Variants in ERN1 observed in about 807,000 individuals in gnomAD.
ERN1 encodes serine/threonine-protein kinase/endoribonuclease IRE1.
Under a neutral mutation model 113.1 loss-of-function variants are expected in ERN1, and 39 were observed. That is an observed-to-expected ratio of 0.34 (90% CI 0.27 to 0.45). The LOEUF (loss-of-function observed/expected upper bound fraction) is 0.45. Ranked by LOEUF, ERN1 falls within the 20% of genes least tolerant of loss-of-function variation. The pLI is 1.00. For missense variants in ERN1, 976 were observed against 1,274.8 expected (o/e 0.77, Z 3.57); for synonymous variants, 507 against 515.9 (o/e 0.98, Z 0.23).
intron 6 of ERN1, among the ~76,000 whole-genome samples, chr17:64,069,887 G>A (rs1913356583): frequency 6.6e-6 from 1 of 152,102 alleles, no homozygotes; most frequent in Admixed American, 6.6e-5. Context: ...TGGAGGGAGT[G>A]GGAGGGTTGT....
At chr17:64,105,508 T>C (rs1914500760) in intron 1 of ERN1, among the ~76,000 whole-genome samples, 1 of 152,238 alleles carries the variant, frequency 6.6e-6, no homozygotes, top group African/African-American at 2.4e-5. Context: ...ATCTGGCTAA[T>C]AATAAAAATT....
rs905793671 is a variant in ERN1, at chr17:64,039,148, A to C, written c.*4840T>G. The C allele has an allele frequency of 1.3e-4, 20 of 152,218 alleles. No homozygotes were observed. Among genetic ancestry groups the C allele is most frequent in the Admixed American group, 1.3e-3 (20 of 15,276 alleles). The allele number at this position is 152,218 out of a possible 1,614,324, so 9.4% of individuals were successfully genotyped here. ...TTAAGAAAATGAGACTGACTCCAAA[A>C]TCTAAAACTACCTTTATTGTGGTTG... is the stretch of plus-strand genomic sequence containing the variant. On this transcript the variant is annotated 3_prime_UTR_variant, in exon 22 of 22. Transcript: ENST00000433197.
At chr17:64,045,743 C>T (rs927211000) in intron 19 of ERN1, among the ~76,000 whole-genome samples, 1 of 152,130 alleles carries the variant, frequency 6.6e-6, no homozygotes. Flanking sequence ...CGAACGCATA[C>T]CCTGAATTTC....
intron 1 of ERN1, among the ~76,000 whole-genome samples, chr17:64,125,538 C>T (rs1408860670): frequency 6.6e-6 from 1 of 152,122 alleles, no homozygotes; most frequent in Non-Finnish European, 1.5e-5. Context: ...GCCAAGGCTG[C>T]AGTGCAGTGG....
Position 64,098,161 on chromosome 17 carries a change from G to A in ERN1, c.135C>T (p.Val45=). The A allele has an allele frequency of 6.2e-7, 1 of 1,613,946 alleles. No individual in the cohort carries two copies. Among genetic ancestry groups the A allele is most frequent in the Non-Finnish European group, 8.5e-7 (1 of 1,179,878 alleles). The change falls in exon 2 of 22, where the codon GTC becomes GTT. Residue 45 remains valine (V), a synonymous_variant. Coordinates refer to ENST00000433197, the MANE Select transcript of ERN1 (RefSeq NM_001433.5). The stretch of plus-strand genomic sequence containing the variant: ...ATTTGATTGAGCCTGTCCTCTTGCT[G>A]ACAGCATGCAAACTTCCATCCAGCG... ...VSTLDGSLHA[V]SKRTGSIKWT...
At position 64,086,617 on chromosome 17, in the gene ERN1, CTTTT is replaced by C. The variant is rs773312701; in HGVS notation, c.176-5813_176-5810del. On this transcript the variant is annotated intron_variant, in intron 2 of 21. Transcript: ENST00000433197. ...TGTTTATTTGGACCTATTTTCATTT[CTTTT>C]TTTTTCTTTTCTTTCCTTTTTTTTT... 7.2e-4 allele frequency among the ~76,000 whole-genome samples: 39 copies of C among 54,542 alleles called. No homozygotes were observed. In the East Asian group the frequency reaches 0.012, roughly 17 times the overall value. 35.8% of individuals were successfully genotyped at this position (54,542 alleles called of 152,430 possible).
In ERN1 at chr17:64,054,923, A is replaced by G. The variant is rs536709104; in HGVS notation, c.1673-95T>C. The G allele has an allele frequency of 1.8e-5, 18 of 981,000 alleles. No individual in the cohort carries two copies. The highest frequency in any genetic ancestry group is 2.3e-5 in the Non-Finnish European group (15 of 657,896). 60.8% of individuals were successfully genotyped at this position (981,000 alleles called of 1,614,324 possible). Reference sequence around the variant, plus strand: ...TGACAAGCTTCCTGACCTCAGATTAAAAGATGGGATTTAAGAGGCACTGCA... The same window carrying G: ...TGACAAGCTTCCTGACCTCAGATTAGAAGATGGGATTTAAGAGGCACTGCA... On this transcript the variant is annotated intron_variant, in intron 13 of 21. Transcript: ENST00000433197. This position sits in a 1 kb window ranked among gnomAD's most constrained non-coding sequence, Gnocchi z 4.9.
At chr17:64,121,575 C>T (rs992136103) in intron 1 of ERN1, among the ~76,000 whole-genome samples, 1 of 152,102 alleles carries the variant, frequency 6.6e-6, no homozygotes, top group South Asian at 2.1e-4. Context: ...CTGCAACCTC[C>T]GCCTCCCAGG....
intron 19 of ERN1, among the ~76,000 whole-genome samples, chr17:64,046,561 C>T (rs527392765): frequency 1.3e-5 from 2 of 152,226 alleles, no homozygotes; most frequent in African/African-American, 4.8e-5. Context: ...TATGCTACAA[C>T]ATGGAAGACA....
intron 19 of ERN1, 92 bp from the exon 20 acceptor site, chr17:64,045,574 C>T (rs1912487833): frequency 1.9e-6 from 3 of 1,543,826 alleles, no homozygotes; most frequent in African/African-American, 1.4e-5. Context: ...ATCACTGACA[C>T]ATAAGCCTGC....
chr17:64,060,950 A>G (rs1391238385), intron 10 of ERN1, among the ~76,000 whole-genome samples: 9 of 152,156 alleles, frequency 5.9e-5, no homozygotes, highest in Admixed American at 5.9e-4. Context: ...TCTCCTTTCA[A>G]TGCTTTTTCC....
At chr17:64,077,868 C>T (rs919894358) in intron 4 of ERN1, among the ~76,000 whole-genome samples, 1 of 152,072 alleles carries the variant, frequency 6.6e-6, no homozygotes, top group Non-Finnish European at 1.5e-5. Flanking sequence ...GCCTCAGCCT[C>T]CCAAGTAGCT....
intron 1 of ERN1, among the ~76,000 whole-genome samples, chr17:64,117,911 G>A (rs981543699): frequency 2.6e-5 from 4 of 152,190 alleles, no homozygotes; most frequent in African/African-American, 4.8e-5. Flanking sequence ...CCATGAGGGC[G>A]GGGGTCTTTG....
chr17:64,052,721 TC>T, intron 17 of ERN1, 58 bp downstream of exon 17: 1 of 1,512,034 alleles, frequency 6.6e-7, no homozygotes, highest in Non-Finnish European at 9.0e-7. Flanking sequence ...AAGGTTCTAC[TC>T]CTGAAGATAC....
intron 4 of ERN1, among the ~76,000 whole-genome samples, chr17:64,078,689 T>A (rs1223459738): frequency 6.6e-6 from 1 of 152,058 alleles, no homozygotes; most frequent in Non-Finnish European, 1.5e-5. Flanking sequence ...GATATCCCAA[T>A]TGACCTACAC....
intron 4 of ERN1, among the ~76,000 whole-genome samples, chr17:64,075,671 C>T (rs936563186): frequency 5.3e-5 from 8 of 152,224 alleles, no homozygotes; most frequent in Non-Finnish European, 1.0e-4. Context: ...TACTTGACAC[C>T]ATGTGCAGAG....
At chr17:64,074,335 A>G (rs1016877437) in intron 5 of ERN1, among the ~76,000 whole-genome samples, 1 of 152,184 alleles carries the variant, frequency 6.6e-6, no homozygotes, top group South Asian at 2.1e-4. Flanking sequence ...ACACAGTGAC[A>G]TGGATGGTCA....
At position 64,049,652 on chromosome 17, in the gene ERN1, G is replaced by C. The variant is rs113351903; in HGVS notation, c.2254-450C>G. On this transcript the variant is annotated intron_variant, in intron 17 of 21. Coordinates refer to ENST00000433197, the MANE Select transcript of ERN1 (RefSeq NM_001433.5). This position sits in a 1 kb window ranked among gnomAD's most constrained non-coding sequence, Gnocchi z 4.7. ...GGGCCCAGAATGGTGCCTGCACACA[G>C]TAGGTATCAAAATTGCTAATAAGTG... Among the ~76,000 whole-genome samples the C allele has an allele frequency of 2.6e-4, 40 of 152,274 alleles. No individual in the cohort carries two copies. Among genetic ancestry groups the C allele is most frequent in the African/African-American group, 8.7e-4 (36 of 41,542 alleles).
Position 64,039,507 on chromosome 17 carries a change from T to A in ERN1, c.*4481A>T, listed in dbSNP as rs1472787831. Reference sequence around the variant, plus strand: ...TTAATAATAAGACTACTGTAAAGCATCCATCCCATGGAAGGATACAGTATC... The same window carrying A: ...TTAATAATAAGACTACTGTAAAGCAACCATCCCATGGAAGGATACAGTATC... On this transcript the variant is annotated 3_prime_UTR_variant, in exon 22 of 22. Transcript: ENST00000433197. 3.3e-5 allele frequency: 5 copies of A among 152,174 alleles called. No individual in the cohort carries two copies. Among genetic ancestry groups the A allele is most frequent in the African/African-American group, 1.2e-4 (5 of 41,460 alleles). The allele number at this position is 152,174 out of a possible 1,614,324, so 9.4% of individuals were successfully genotyped here. A position where few individuals can be genotyped will look rare whatever the true frequency, so the allele number is the denominator to read the frequency against.
Sources: allele counts gnomAD v4.1 joint callset (sites outside exome capture counted in the v4.1 genomes callset), GRCh38; gene constraint gnomAD v4.1.1; non-coding constraint Gnocchi (gnomAD v3.1); transcripts MANE v1.5; gene names NCBI Gene and HGNC (gene_info 2026-07-23, HGNC 2026-07-21).